The following GCA variants were observed in gnomAD, a reference collection of about 807,000 sequenced individuals.
GCA encodes the protein grancalcin, EF-hand calcium-binding protein.
Under a neutral mutation model 32.6 loss-of-function variants are expected in GCA, and 30 were observed. The observed-to-expected ratio is 0.92, with a 90% confidence interval of 0.69 to 1.25. The LOEUF is 1.25. Ranked by LOEUF, GCA falls within the 50% of genes most tolerant of loss-of-function variation. The probability of loss-of-function intolerance (pLI) is 0.00; values close to 1 mark genes in which losing one functional copy is unlikely to be tolerated. For synonymous variants in GCA, 102 were observed against 84.6 expected (o/e 1.21, Z -1.13); for missense variants, 291 against 266.8 (o/e 1.09, Z -0.63).
At chr2:162,347,767 A>AATATGTCTTT in intron 2 of GCA, 25 bp downstream of exon 2, 1 of 1,365,606 alleles carries the variant, frequency 7.3e-7, no homozygotes. Flanking sequence ...TTATTGCATA[A>AATATGTCTTT]ATATGTCTTT....
intron 5 of GCA, among the ~76,000 whole-genome samples, chr2:162,357,698 A>G (rs1685351338): frequency 6.6e-6 from 1 of 151,704 alleles, no homozygotes; most frequent in African/African-American, 2.4e-5. Flanking sequence ...AGTCCAGCCC[A>G]TATAAACATA....
rs1184602016 is a variant in GCA, at chr2:162,363,011, CA to C, written c.*2774del. Among the ~76,000 whole-genome samples the C allele has an allele frequency of 6.6e-6, 1 of 151,184 alleles. No homozygotes were observed. On this transcript the variant is annotated 3_prime_UTR_variant, in exon 8 of 8. Coordinates refer to ENST00000437150, the MANE Select transcript of GCA (RefSeq NM_012198.5). ...AAGTCTGTGGAGTTAAAAAAAATAA[CA>C]AAAAATCAATTTGTGATTATTTCTT...
chr2:162,358,882 G>T (rs2105349226), intron 5 of GCA, among the ~76,000 whole-genome samples, 162 bp from the exon 6 acceptor site: 1 of 151,510 alleles, frequency 6.6e-6, no homozygotes. Flanking sequence ...AGGATTAACA[G>T]TGAAGCCTTT....
intron 1 of GCA, among the ~76,000 whole-genome samples, chr2:162,332,614 T>G (rs1684136226): frequency 6.6e-6 from 1 of 152,050 alleles, no homozygotes; most frequent in South Asian, 2.1e-4. Flanking sequence ...GGGCTTCAAC[T>G]TGTGGTTCAG....
downstream of GCA, chr2:162,372,165 T>C (rs918309263): frequency 6.5e-6 from 8 of 1,237,976 alleles, no homozygotes; most frequent in African/African-American, 1.2e-4. Flanking sequence ...ATTACACTAA[T>C]AAAAACTTAA....
intron 2 of GCA, among the ~76,000 whole-genome samples, chr2:162,351,138 G>T (rs1379738115): frequency 6.6e-6 from 1 of 152,106 alleles, no homozygotes; most frequent in Non-Finnish European, 1.5e-5. Flanking sequence ...CAATTAATTT[G>T]GGGAAATTCT....
intron 1 of GCA, among the ~76,000 whole-genome samples, chr2:162,321,779 C>T (rs1337262160): frequency 6.6e-6 from 1 of 151,008 alleles, no homozygotes; most frequent in Non-Finnish European, 1.5e-5. Context: ...TTTATGTGCC[C>T]AATATGTGAC....
At chr2:162,328,093 C>T (rs1397865764) in intron 1 of GCA, among the ~76,000 whole-genome samples, 2 of 152,074 alleles carry the variant, frequency 1.3e-5, no homozygotes, top group East Asian at 3.9e-4. Context: ...CTGTCTCCCT[C>T]AGCTTGCAAG....
At chr2:162,324,464 G>A (rs1683802786) in intron 1 of GCA, among the ~76,000 whole-genome samples, 1 of 152,222 alleles carries the variant, frequency 6.6e-6, no homozygotes, top group African/African-American at 2.4e-5. Flanking sequence ...TGGCCTGCCA[G>A]TGTGCTGGTG....
intron 4 of GCA, among the ~76,000 whole-genome samples, chr2:162,369,315 A>G (rs1267397643): frequency 6.6e-6 from 1 of 152,088 alleles, no homozygotes; most frequent in Non-Finnish European, 1.5e-5. Flanking sequence ...TCTGACATTT[A>G]TGCCCAACTA....
chr2:162,328,552 T>G (rs1008250186), intron 1 of GCA, among the ~76,000 whole-genome samples: 3 of 152,016 alleles, frequency 2.0e-5, no homozygotes, highest in African/African-American at 7.2e-5. Flanking sequence ...TGCTCAAACC[T>G]CTAGGGGAGC....
chr2:162,372,964 A>T (rs950333340), downstream of GCA, among the ~76,000 whole-genome samples: 80 of 152,284 alleles, frequency 5.3e-4, no homozygotes, highest in African/African-American at 1.9e-3. Context: ...TGGGGTACAG[A>T]CAAGATTACT....
At chr2:162,367,716 C>A (rs548227172), downstream of GCA, among the ~76,000 whole-genome samples, 1 of 152,054 alleles carries the variant, frequency 6.6e-6, no homozygotes, top group Admixed American at 6.6e-5. Flanking sequence ...GCACATTGTG[C>A]AAAATCTAAA....
chr2:162,358,078 A>G (rs1685377900), intron 5 of GCA, among the ~76,000 whole-genome samples: 1 of 151,528 alleles, frequency 6.6e-6, no homozygotes, highest in Non-Finnish European at 1.5e-5. Flanking sequence ...AGCTGCATGT[A>G]TAATTTTCTC....
At chr2:162,324,463 A>G (rs764046154) in intron 1 of GCA, among the ~76,000 whole-genome samples, 4 of 152,166 alleles carry the variant, frequency 2.6e-5, no homozygotes, top group Non-Finnish European at 5.9e-5. Context: ...GTGGCCTGCC[A>G]GTGTGCTGGT....
At position 162,362,944 on chromosome 2, in the gene GCA, G is replaced by A. The variant is rs1405724840; in HGVS notation, c.*2701G>A. Among the ~76,000 whole-genome samples, 3 of 151,128 alleles carry A rather than the reference G, an allele frequency of 2.0e-5. No individual in the cohort carries two copies. Among genetic ancestry groups the A allele is most frequent in the Non-Finnish European group, 4.4e-5 (3 of 67,432 alleles). On this transcript the variant is annotated 3_prime_UTR_variant, in exon 8 of 8. Transcript: ENST00000437150. The stretch of plus-strand genomic sequence containing the variant: ...CAAGTTATGTTTATTTCCAAAAAAG[G>A]CATTTACCCTAGAAGAAAGTAGAAT...
At chr2:162,360,061 T>C (rs1685496398) in intron 7 of GCA, among the ~76,000 whole-genome samples, 156 bp from the exon 8 acceptor site, 2 of 151,410 alleles carry the variant, frequency 1.3e-5, no homozygotes, top group Admixed American at 1.3e-4. Context: ...TGATGGAAGT[T>C]ATGGGGTCAA....
chr2:162,352,193 A>T (rs1006036241), intron 2 of GCA, 145 bp from the exon 3 acceptor site: 1 of 575,060 alleles, frequency 1.7e-6, no homozygotes, highest in Non-Finnish European at 3.1e-6. Context: ...TGTTGTCAGT[A>T]ATTATCTCTA....
intron 5 of GCA, among the ~76,000 whole-genome samples, chr2:162,357,339 A>G (rs1306230327): frequency 1.3e-5 from 2 of 151,748 alleles, no homozygotes; most frequent in African/African-American, 2.4e-5. Context: ...AGGTGCCAAA[A>G]TACATCAGGA....
Sources: allele counts gnomAD v4.1 joint callset (sites outside exome capture counted in the v4.1 genomes callset), GRCh38; gene constraint gnomAD v4.1.1; transcripts MANE v1.5; gene names NCBI Gene and HGNC (gene_info 2026-07-23, HGNC 2026-07-21).